MSRA: variants seen among roughly 807,000 people sequenced by gnomAD.
MSRA encodes the protein mitochondrial peptide methionine sulfoxide reductase.
A neutral mutation model predicts 31.3 loss-of-function variants in MSRA; 54 were observed. That is an observed-to-expected ratio of 1.73 (90% CI 1.39 to 2.17). MSRA has a LOEUF of 2.17. Among genes scored for constraint, MSRA ranks in the 30% most tolerant of loss-of-function variants. The probability of loss-of-function intolerance (pLI) is 0.00; values close to 1 mark genes in which losing one functional copy is unlikely to be tolerated. For missense variants in MSRA, 507 were observed against 300.9 expected (o/e 1.69, Z -5.07); for synonymous variants, 169 against 116.5 (o/e 1.45, Z -2.90).
intron 1 of MSRA, among the ~76,000 whole-genome samples, chr8:10,153,941 A>G (rs762918194): frequency 2.3e-4 from 35 of 152,364 alleles, no homozygotes; most frequent in Non-Finnish European, 3.8e-4. Flanking sequence ...AGAAATAAAC[A>G]TAATGGTGTA....
intron 5 of MSRA, among the ~76,000 whole-genome samples, chr8:10,329,939 C>A: frequency 6.6e-6 from 1 of 150,496 alleles, no homozygotes. Context: ...AATAAAGTGG[C>A]ATACCAAAAA....
intron 5 of MSRA, among the ~76,000 whole-genome samples, chr8:10,417,865 G>T (rs1358468582): frequency 1.3e-5 from 2 of 151,766 alleles, no homozygotes; most frequent in Non-Finnish European, 2.9e-5. Flanking sequence ...AGTGGTCTCC[G>T]TGCAGAAGGG....
At chr8:10,253,149 A>T (rs1267421613) in intron 3 of MSRA, among the ~76,000 whole-genome samples, 1 of 152,146 alleles carries the variant, frequency 6.6e-6, no homozygotes, top group African/African-American at 2.4e-5. Context: ...GCTGTCCTCG[A>T]ATGGTAAAAA....
intron 5 of MSRA, among the ~76,000 whole-genome samples, chr8:10,388,778 A>T (rs946964618): frequency 6.6e-6 from 1 of 151,490 alleles, no homozygotes; most frequent in African/African-American, 2.4e-5. Context: ...GGGGGAGGGG[A>T]AGCTGTTCTA....
chr8:10,177,204 A>G (rs1488848057), intron 1 of MSRA, among the ~76,000 whole-genome samples: 2 of 152,196 alleles, frequency 1.3e-5, no homozygotes, highest in Non-Finnish European at 2.9e-5. Context: ...ACCTCCTGTG[A>G]CTTGGAAGAG....
intron 5 of MSRA, among the ~76,000 whole-genome samples, chr8:10,380,054 G>A (rs186275650): frequency 1.3e-5 from 2 of 152,290 alleles, no homozygotes; most frequent in East Asian, 3.9e-4. Context: ...GAGAAATGGT[G>A]GAGAGTGCTG....
chr8:10,248,737 G>T (rs1433959358), intron 3 of MSRA, among the ~76,000 whole-genome samples: 1 of 152,238 alleles, frequency 6.6e-6, no homozygotes, highest in Non-Finnish European at 1.5e-5. Flanking sequence ...TAGTAGCTGA[G>T]AGAGGAGGTG....
intron 5 of MSRA, among the ~76,000 whole-genome samples, chr8:10,328,169 G>T (rs377520756): frequency 6.7e-6 from 1 of 149,684 alleles, no homozygotes. Context: ...GTGTGTCAAC[G>T]TAATGCTTTC....
chr8:10,279,881 A>G (rs549552107), intron 3 of MSRA, among the ~76,000 whole-genome samples: 23 of 152,342 alleles, frequency 1.5e-4, no homozygotes, highest in Admixed American at 4.6e-4. Context: ...TCAAATATCT[A>G]TGACTCAGTG....
At chr8:10,116,915 A>C (rs1414781101) in intron 1 of MSRA, among the ~76,000 whole-genome samples, 1 of 152,162 alleles carries the variant, frequency 6.6e-6, no homozygotes, top group East Asian at 1.9e-4. Context: ...GCGGTGAGCC[A>C]AGATTGCGCC....
At chr8:10,265,896 AC>A (rs1367385358) in intron 3 of MSRA, among the ~76,000 whole-genome samples, 1 of 151,874 alleles carries the variant, frequency 6.6e-6, no homozygotes. Flanking sequence ...CTTTGATTCC[AC>A]CTGTTTTGAG....
intron 1 of MSRA, among the ~76,000 whole-genome samples, chr8:10,055,460 C>T (rs1355356305): frequency 2.6e-5 from 4 of 152,230 alleles, no homozygotes. Context: ...GTTAATATTA[C>T]CTTAGTGCAG....
At chr8:10,414,229 G>C (rs987745484) in intron 5 of MSRA, among the ~76,000 whole-genome samples, 1 of 152,164 alleles carries the variant, frequency 6.6e-6, no homozygotes, top group Admixed American at 6.5e-5. Context: ...TATCTGGGGG[G>C]ATGGGCAAGA....
chr8:10,091,424 T>G (rs1272808868), intron 1 of MSRA, among the ~76,000 whole-genome samples: 1 of 152,230 alleles, frequency 6.6e-6, no homozygotes, highest in Non-Finnish European at 1.5e-5. Context: ...AAAGGCCAAA[T>G]AGTATTCCGT....
intron 1 of MSRA, among the ~76,000 whole-genome samples, chr8:10,148,860 A>G (rs1362566329): frequency 2.0e-5 from 3 of 151,258 alleles, no homozygotes; most frequent in African/African-American, 7.3e-5. Context: ...ACTTGTTGAG[A>G]AGTAATTAAA....
At chr8:10,216,469 A>C (rs1001603727) in intron 2 of MSRA, among the ~76,000 whole-genome samples, 2 of 152,230 alleles carry the variant, frequency 1.3e-5, no homozygotes, top group Non-Finnish European at 2.9e-5. Flanking sequence ...CGTATGGTCC[A>C]GTGGTGTTAA....
chr8:10,307,233 A>G (rs1313851932), intron 4 of MSRA, among the ~76,000 whole-genome samples: 1 of 150,528 alleles, frequency 6.6e-6, no homozygotes, highest in African/African-American at 2.4e-5. Flanking sequence ...CAGTGGCACA[A>G]TTGGCTTACT....
intron 1 of MSRA, among the ~76,000 whole-genome samples, chr8:10,131,262 C>T (rs1206735188): frequency 6.6e-6 from 1 of 152,072 alleles, no homozygotes. Context: ...AAGGCAATGA[C>T]AATGCAAATA....
chr8:10,096,382 G>C, intron 1 of MSRA: 1 of 831,936 alleles, frequency 1.2e-6, no homozygotes, highest in Non-Finnish European at 1.5e-6. Flanking sequence ...GGTGGGTGGG[G>C]AGGTGTCTAT....
Sources: allele counts gnomAD v4.1 joint callset (sites outside exome capture counted in the v4.1 genomes callset), GRCh38; gene constraint gnomAD v4.1.1; transcripts MANE v1.5; gene names NCBI Gene and HGNC (gene_info 2026-07-23, HGNC 2026-07-21).